Variants in GAD2 observed in about 807,000 individuals in gnomAD.
GAD2 encodes 65 kDa glutamic acid decarboxylase.
A neutral mutation model predicts 80.1 loss-of-function variants in GAD2; 22 were observed. The ratio of observed to expected loss-of-function variants is 0.27; its 90% CI spans 0.20 to 0.39. GAD2 has a LOEUF of 0.39. GAD2 is among the 10% of genes least tolerant of loss of function. The pLI is 1.00. For missense variants in GAD2, 624 were observed against 738.4 expected (o/e 0.85, Z 1.80); for synonymous variants, 274 against 256.9 (o/e 1.07, Z -0.64).
At chr10:26,258,474 C>T (rs1304986045) in intron 8 of GAD2, among the ~76,000 whole-genome samples, 1 of 152,158 alleles carries the variant, frequency 6.6e-6, no homozygotes, top group Non-Finnish European at 1.5e-5. Flanking sequence ...CATCAATATT[C>T]ATCTCCAGAA....
chr10:26,228,307 G>T (rs1390633957), intron 6 of GAD2, among the ~76,000 whole-genome samples: 1 of 152,168 alleles, frequency 6.6e-6, no homozygotes, highest in Non-Finnish European at 1.5e-5. Flanking sequence ...AAATCTTATG[G>T]CGTGGAATCC....
chr10:26,288,723 C>T (rs942221209), intron 13 of GAD2, among the ~76,000 whole-genome samples: 9 of 152,026 alleles, frequency 5.9e-5, no homozygotes, highest in Non-Finnish European at 1.2e-4. Flanking sequence ...GCTTTTTTCC[C>T]CTGTGGTGTT....
chr10:26,287,347 T>C (rs938817374), intron 13 of GAD2, among the ~76,000 whole-genome samples: 2 of 152,152 alleles, frequency 1.3e-5, no homozygotes, highest in African/African-American at 4.8e-5. Context: ...AAGGGGGCGA[T>C]TAAAGGTGTC....
chr10:26,255,065 A>T (rs1405908805), intron 8 of GAD2, among the ~76,000 whole-genome samples: 1 of 152,198 alleles, frequency 6.6e-6, no homozygotes, highest in African/African-American at 2.4e-5. Context: ...GGAGCTCAGG[A>T]GGTACACTAG....
chr10:26,262,734 T>C (rs1845023597), intron 8 of GAD2, among the ~76,000 whole-genome samples: 1 of 152,242 alleles, frequency 6.6e-6, no homozygotes, highest in Admixed American at 6.5e-5. Context: ...TCTCATGTCA[T>C]TAATTTTTAA....
intron 7 of GAD2, among the ~76,000 whole-genome samples, chr10:26,243,554 C>G (rs1475968688): frequency 6.6e-6 from 1 of 152,214 alleles, no homozygotes. Flanking sequence ...CTCAGCTCTC[C>G]AAATGGCACG....
At chr10:26,285,774 T>A (rs1005188914) in intron 12 of GAD2, among the ~76,000 whole-genome samples, 8 of 152,110 alleles carry the variant, frequency 5.3e-5, no homozygotes, top group African/African-American at 1.7e-4. Context: ...GTGGGTTTTT[T>A]TTTTTTTTAG....
intron 7 of GAD2, among the ~76,000 whole-genome samples, chr10:26,243,813 T>C (rs1486486112): frequency 6.6e-6 from 1 of 152,218 alleles, no homozygotes; most frequent in Non-Finnish European, 1.5e-5. Flanking sequence ...TTACCTGAGT[T>C]TACTGAGTTT....
chr10:26,254,631 G>A (rs760469643), intron 8 of GAD2, among the ~76,000 whole-genome samples: 13 of 152,204 alleles, frequency 8.5e-5, no homozygotes, highest in Admixed American at 1.3e-4. Flanking sequence ...ATGTTAAGCC[G>A]TTTGGACTTC....
At chr10:26,253,019 G>A (rs776522191) in intron 8 of GAD2, among the ~76,000 whole-genome samples, 5 of 151,884 alleles carry the variant, frequency 3.3e-5, no homozygotes, top group East Asian at 1.9e-4. Flanking sequence ...AGTGAAACAC[G>A]GTTCTCAGTT....
chr10:26,229,524 G>A, intron 6 of GAD2, 138 bp from the exon 7 acceptor site: 1 of 626,726 alleles, frequency 1.6e-6, no homozygotes. Flanking sequence ...TGAGTCTGAG[G>A]ATTCAGTTTA....
At chr10:26,225,665 A>G (rs1294318433) in intron 6 of GAD2, among the ~76,000 whole-genome samples, 1 of 152,160 alleles carries the variant, frequency 6.6e-6, no homozygotes, top group Admixed American at 6.5e-5. Context: ...AGAAGAAATG[A>G]TAAGCAAGAG....
chr10:26,273,737 T>G, intron 11 of GAD2, 37 bp downstream of exon 11: 1 of 1,560,734 alleles, frequency 6.4e-7, no homozygotes, highest in Non-Finnish European at 8.8e-7. Flanking sequence ...CATAAAGTGT[T>G]AAAAGCTAAC....
In GAD2 at chr10:26,217,749, G is replaced by A. The variant is rs1238449128; in HGVS notation, c.136+80G>A. On this transcript the variant is annotated intron_variant, in intron 2 of 15. Coordinates refer to ENST00000376261, the MANE Select transcript of GAD2 (RefSeq NM_001134366.2). The surrounding 1 kb of genome is among the most constrained non-coding windows in gnomAD (Gnocchi z 4.9). ...TTCTCACCTCCGCATCCCAGTCAGC[G>A]GAGTCGGGGTTTCCTGGCTGCGGGT... 8.2e-6 allele frequency: 13 copies of A among 1,587,014 alleles called. No individual in the cohort carries two copies. Among genetic ancestry groups the A allele is most frequent in the Non-Finnish European group, 1.0e-5 (12 of 1,165,532 alleles).
At chr10:26,237,841 C>G (rs1002458629) in intron 7 of GAD2, among the ~76,000 whole-genome samples, 1 of 151,988 alleles carries the variant, frequency 6.6e-6, no homozygotes, top group Admixed American at 6.6e-5. Flanking sequence ...GACCCCACCT[C>G]TACAAAAAAT....
At chr10:26,240,630 G>A (rs1448981861) in intron 7 of GAD2, among the ~76,000 whole-genome samples, 2 of 151,930 alleles carry the variant, frequency 1.3e-5, no homozygotes, top group East Asian at 1.9e-4. Context: ...TACTCAGGAC[G>A]CTGAGCCAGG....
In GAD2 at chr10:26,217,464, C is replaced by G; in HGVS notation, c.77-146C>G. 3.8e-6 allele frequency: 3 copies of G among 792,182 alleles called. No homozygotes were observed. Among genetic ancestry groups the G allele is most frequent in the Non-Finnish European group, 6.3e-6 (3 of 473,148 alleles). The allele number at this position is 792,182 out of a possible 1,614,324, so 49.1% of individuals were successfully genotyped here. On this transcript the variant is annotated intron_variant, in intron 1 of 15. Transcript: ENST00000376261. The surrounding 1 kb of genome is among the most constrained non-coding windows in gnomAD (Gnocchi z 4.9). ...CCGCTTGCCTTCTGCACCTGCCGGC[C>G]TCACCGAGTCCTGAGCGGCCCCCAG...
intron 7 of GAD2, among the ~76,000 whole-genome samples, chr10:26,230,425 T>TTTTG (rs113492564): frequency 0.087 from 13,175 of 151,790 alleles, 710 homozygotes; most frequent in Non-Finnish European, 0.12. Context: ...CCTTGAGCCT[T>TTTTG]TTTGTTTGTT....
chr10:26,291,002 G>A (rs1411915208), intron 13 of GAD2, among the ~76,000 whole-genome samples: 1 of 152,184 alleles, frequency 6.6e-6, no homozygotes, highest in Non-Finnish European at 1.5e-5. Flanking sequence ...GGGAACCAGA[G>A]GTCTTTAGTA....
Sources: allele counts gnomAD v4.1 joint callset (sites outside exome capture counted in the v4.1 genomes callset), GRCh38; gene constraint gnomAD v4.1.1; non-coding constraint Gnocchi (gnomAD v3.1); transcripts MANE v1.5; gene names NCBI Gene and HGNC (gene_info 2026-07-23, HGNC 2026-07-21).